GGT7: variants seen among roughly 807,000 people sequenced by gnomAD.
GGT7 encodes the protein glutathione hydrolase 7.
A neutral mutation model predicts 69.2 loss-of-function variants in GGT7; 30 were observed. The ratio of observed to expected loss-of-function variants is 0.43; its 90% CI spans 0.32 to 0.59. GGT7 has a LOEUF of 0.59. Among genes scored for constraint, GGT7 ranks in the 20% least tolerant of loss-of-function variants. The pLI is 0.05. For synonymous variants in GGT7, 388 were observed against 391.8 expected (o/e 0.99, Z 0.12); for missense variants, 733 against 901.1 (o/e 0.81, Z 2.39).
intron 1 of GGT7, among the ~76,000 whole-genome samples, chr20:34,866,265 C>T (rs2079688526): frequency 6.6e-6 from 1 of 152,186 alleles, no homozygotes; most frequent in Non-Finnish European, 1.5e-5. Context: ...ATTTTTACCA[C>T]TTATATCTAT....
intron 1 of GGT7, among the ~76,000 whole-genome samples, chr20:34,869,028 A>C (rs2079737928): frequency 6.6e-6 from 1 of 152,194 alleles, no homozygotes; most frequent in Non-Finnish European, 1.5e-5. Context: ...CTGGGTTTAT[A>C]ACAAAATAAT....
chr20:34,860,819 G>A (rs1269731817), intron 4 of GGT7, among the ~76,000 whole-genome samples: 3 of 152,008 alleles, frequency 2.0e-5, no homozygotes, highest in African/African-American at 4.8e-5. Context: ...CACTCAGGCT[G>A]GTCTCAAACT....
Position 34,863,254 on chromosome 20 carries a change from A to G in GGT7, c.405+59T>C, listed in dbSNP as rs2079628275. On this transcript the variant is annotated intron_variant, in intron 2 of 14. Coordinates refer to ENST00000336431, the MANE Select transcript of GGT7 (RefSeq NM_178026.3). The surrounding 1 kb of genome is among the most constrained non-coding windows in gnomAD (Gnocchi z 4.4). ...CATTCCCCAGTTTCCACAGTTCCTC[A>G]AACATTACCCCACTCCCCACTCCCC... The G allele has an allele frequency of 3.9e-6, 5 of 1,277,434 alleles. No individual in the cohort carries two copies. The highest frequency in any genetic ancestry group is 5.5e-6 in the Non-Finnish European group (5 of 906,246). The allele number at this position is 1,277,434 out of a possible 1,614,324, so 79.1% of individuals were successfully genotyped here.
intron 1 of GGT7, among the ~76,000 whole-genome samples, chr20:34,867,514 A>G (rs2079711679): frequency 6.6e-6 from 1 of 152,006 alleles, no homozygotes; most frequent in Non-Finnish European, 1.5e-5. Flanking sequence ...GGTATTCAAG[A>G]CCAGCCTGGG....
intron 14 of GGT7, among the ~76,000 whole-genome samples, chr20:34,847,390 T>C (rs528411359): frequency 6.6e-6 from 1 of 152,342 alleles, no homozygotes; most frequent in East Asian, 1.9e-4. Flanking sequence ...CTGGATAATC[T>C]TAAGGCTGAC....
chr20:34,850,138 T>G lies in GGT7; in HGVS notation c.1726-78A>C, dbSNP rs1470880960. ...AGGATTCCTCAGCTCTCACCCTTGGTCCAGGCTCCTTAGTCTTGAGAATTC... is the reference window on the plus strand; with the variant it reads ...AGGATTCCTCAGCTCTCACCCTTGGGCCAGGCTCCTTAGTCTTGAGAATTC... On this transcript the variant is annotated intron_variant, in intron 13 of 14. Coordinates refer to ENST00000336431, the MANE Select transcript of GGT7 (RefSeq NM_178026.3). 3 of 982,546 alleles carry G rather than the reference T, an allele frequency of 3.1e-6. No individual in the cohort carries two copies. The African/African-American group carries it at 4.8e-5, about 16-fold the overall frequency. 60.9% of individuals were successfully genotyped at this position (982,546 alleles called of 1,614,324 possible).
At chr20:34,854,481 C>T in intron 10 of GGT7, 50 bp downstream of exon 10, 1 of 1,140,000 alleles carries the variant, frequency 8.8e-7, no homozygotes, top group Non-Finnish European at 1.3e-6. Context: ...TGACCCTTTC[C>T]CCACACCCAC....
chr20:34,863,790 C>A lies in GGT7; in HGVS notation c.170-242G>T. The A allele has an allele frequency of 1.4e-6, 1 of 699,978 alleles. No individual in the cohort carries two copies. Among genetic ancestry groups the A allele is most frequent in the South Asian group, 1.5e-5 (1 of 66,448 alleles). The allele number at this position is 699,978 out of a possible 1,614,324, so 43.4% of individuals were successfully genotyped here. On this transcript the variant is annotated intron_variant, in intron 1 of 14. Transcript: ENST00000336431. The surrounding 1 kb of genome is among the most constrained non-coding windows in gnomAD (Gnocchi z 4.4). The stretch of plus-strand genomic sequence containing the variant: ...CAGGGAGGCTGGATTCCCGCCCCTC[C>A]CTGATACCTAGGCCAAATTTCCTGG...
At chr20:34,847,287 G>A (rs1275690009) in intron 14 of GGT7, among the ~76,000 whole-genome samples, 2 of 152,088 alleles carry the variant, frequency 1.3e-5, no homozygotes, top group Admixed American at 1.3e-4. Flanking sequence ...CCATATCCCA[G>A]CTGCTTCTCA....
In GGT7 at chr20:34,863,427, C is replaced by A. The variant is rs781413741; in HGVS notation, c.291G>T (p.Ala97=). Residue 97 remains alanine (A), a synonymous_variant, in exon 2 of 15, where the codon GCG becomes GCT. Coordinates refer to ENST00000336431, the MANE Select transcript of GGT7 (RefSeq NM_178026.3). This position sits in a 1 kb window ranked among gnomAD's most constrained non-coding sequence, Gnocchi z 4.4. ...CATCCTGGCGGCAGGAGCACTCGGC[C>A]GCTGCGGCGGAGAACGGGTCTTTGC... ...ETRKDPFSAA[A]AECSCRQDGL... 6.2e-7 allele frequency: 1 copy of A among 1,613,460 alleles called. No homozygotes were observed. The highest frequency in any genetic ancestry group is 1.3e-5 in the African/African-American group (1 of 74,946).
chr20:34,868,901 A>C (rs1361461072), intron 1 of GGT7, among the ~76,000 whole-genome samples: 1 of 152,186 alleles, frequency 6.6e-6, no homozygotes, highest in Non-Finnish European at 1.5e-5. Context: ...CAAAAGATGG[A>C]GAAAAGTCCA....
At position 34,863,077 on chromosome 20, in the gene GGT7, T is replaced by C. The variant is rs984258363; in HGVS notation, c.406-112A>G. ...CATGAAGGTCGAAGCCCTGCCCCCT[T>C]GTTGCCTTGACTCTGCCCTCATTAC... On this transcript the variant is annotated intron_variant, in intron 2 of 14. Coordinates refer to ENST00000336431, the MANE Select transcript of GGT7 (RefSeq NM_178026.3). This position sits in a 1 kb window ranked among gnomAD's most constrained non-coding sequence, Gnocchi z 4.4. 2.3e-5 allele frequency: 25 copies of C among 1,096,100 alleles called. No individual in the cohort carries two copies. In the African/African-American group the frequency reaches 3.6e-4, roughly 16 times the overall value. The allele number at this position is 1,096,100 out of a possible 1,614,324, so 67.9% of individuals were successfully genotyped here. A position where few individuals can be genotyped will look rare whatever the true frequency, so the allele number is the denominator to read the frequency against.
chr20:34,863,278 C>G lies in GGT7; in HGVS notation c.405+35G>C, dbSNP rs2079628974. The G allele has an allele frequency of 6.8e-7, 1 of 1,468,070 alleles. No individual in the cohort carries two copies. The highest frequency in any genetic ancestry group is 1.2e-5 in the South Asian group (1 of 84,902). 90.9% of individuals were successfully genotyped at this position (1,468,070 alleles called of 1,614,324 possible). On this transcript the variant is annotated intron_variant, in intron 2 of 14. Coordinates refer to ENST00000336431, the MANE Select transcript of GGT7 (RefSeq NM_178026.3). The surrounding 1 kb of genome is among the most constrained non-coding windows in gnomAD (Gnocchi z 4.4). ...CAAACATTACCCCACTCCCCACTCC[C>G]CAGTTTCCTCCCCCTCCCCATTTGT... is the stretch of plus-strand genomic sequence containing the variant.
In GGT7 at chr20:34,854,786, T is replaced by C. The variant is rs369145658; in HGVS notation, c.1230+10A>G. The C allele has an allele frequency of 1.7e-5, 27 of 1,613,998 alleles. No individual in the cohort carries two copies. In the African/African-American group the frequency reaches 3.5e-4, roughly 21 times the overall value. On this transcript the variant is annotated intron_variant, in intron 9 of 14. Transcript: ENST00000336431. ...TTAAATCCAGGGAAAGGCAGACGGGTCAGCCTTACCTCTGCCACCCAGTGA... is the reference window on the plus strand; with the variant it reads ...TTAAATCCAGGGAAAGGCAGACGGGCCAGCCTTACCTCTGCCACCCAGTGA...
intron 3 of GGT7, among the ~76,000 whole-genome samples, chr20:34,862,076 A>T (rs2079606033): frequency 6.6e-6 from 1 of 152,172 alleles, no homozygotes; most frequent in African/African-American, 2.4e-5. Flanking sequence ...TTTACGTCTA[A>T]GATGGGGGCT....
intron 8 of GGT7, among the ~76,000 whole-genome samples, chr20:34,855,979 G>T (rs901687897): frequency 2.0e-5 from 3 of 152,108 alleles, no homozygotes; most frequent in Non-Finnish European, 4.4e-5. Flanking sequence ...TTTTTATAGA[G>T]ACGGTGTCTC....
intron 7 of GGT7, among the ~76,000 whole-genome samples, chr20:34,857,240 C>T (rs1156712197): frequency 1.3e-5 from 2 of 152,178 alleles, no homozygotes; most frequent in Admixed American, 6.5e-5. Context: ...TGCAGAGTGA[C>T]CTGCAGTTCC....
At chr20:34,855,967 A>T (rs544388374) in intron 8 of GGT7, among the ~76,000 whole-genome samples, 3 of 152,098 alleles carry the variant, frequency 2.0e-5, no homozygotes, top group South Asian at 4.2e-4. Flanking sequence ...TAATTTTTAA[A>T]TTTTTTATAG....
At chr20:34,864,550 G>A (rs867874218) in intron 1 of GGT7, among the ~76,000 whole-genome samples, 2 of 151,860 alleles carry the variant, frequency 1.3e-5, no homozygotes, top group South Asian at 4.2e-4. Context: ...GTGAAACCCC[G>A]GCTCCACTAA....
Sources: allele counts gnomAD v4.1 joint callset (sites outside exome capture counted in the v4.1 genomes callset), GRCh38; gene constraint gnomAD v4.1.1; non-coding constraint Gnocchi (gnomAD v3.1); transcripts MANE v1.5; gene names NCBI Gene and HGNC (gene_info 2026-07-23, HGNC 2026-07-21).